The following RFC5 variants were observed in gnomAD, a reference collection of about 807,000 sequenced individuals.
The protein encoded by RFC5 is replication factor C subunit 5.
Under a neutral mutation model 44.3 loss-of-function variants are expected in RFC5, and 26 were observed. That is an observed-to-expected ratio of 0.59 (90% confidence interval 0.43 to 0.81). The LOEUF is 0.81. RFC5 is among the 40% of genes least tolerant of loss of function. The probability of loss-of-function intolerance (pLI) is 0.00; values close to 1 mark genes in which losing one functional copy is unlikely to be tolerated. For missense variants in RFC5, 328 were observed against 418.6 expected (o/e 0.78, Z 1.89); for synonymous variants, 155 against 155.2 (o/e 1.00, Z 0.01).
the RFC5 span, among the ~76,000 whole-genome samples, chr12:118,039,245 T>G: frequency 3.3e-5 from 5 of 152,262 alleles, no homozygotes; most frequent in African/African-American, 1.2e-4. Flanking sequence ...CCCTGCTAAT[T>G]CAGCAGATAA....
In RFC5 at chr12:118,017,000, T is replaced by C. The variant is rs1264913662; in HGVS notation, c.65+108T>C. ...CGGACCCCAACCCGACCTCTTCCCGTCGTCTCCAGGCCTGCAGCCGGGACC... is the reference window on the plus strand; with the variant it reads ...CGGACCCCAACCCGACCTCTTCCCGCCGTCTCCAGGCCTGCAGCCGGGACC... On this transcript the variant is annotated intron_variant, in intron 1 of 10. Transcript: ENST00000454402. The C allele has an allele frequency of 6.8e-5, 59 of 869,608 alleles. 2 individuals are homozygous for C. In the South Asian group the frequency reaches 8.3e-4, roughly 12 times the overall value. 53.9% of individuals were successfully genotyped at this position (869,608 alleles called of 1,614,324 possible). A position where few individuals can be genotyped will look rare whatever the true frequency, so the allele number is the denominator to read the frequency against.
intron 5 of RFC5, among the ~76,000 whole-genome samples, chr12:118,022,795 G>A (rs2137705720): frequency 6.6e-6 from 1 of 152,276 alleles, no homozygotes; most frequent in South Asian, 2.1e-4. Context: ...GGAGAATTAG[G>A]ATGTGAGATA....
rs1038731474 is a variant in RFC5 at position 118,031,910 on chromosome 12, T to G, written c.*632T>G. 1 of 152,218 alleles carries G rather than the reference T, an allele frequency of 6.6e-6. No homozygotes were observed. Among genetic ancestry groups the G allele is most frequent in the Non-Finnish European group, 1.5e-5 (1 of 68,042 alleles). The allele number at this position is 152,218 out of a possible 1,614,324, so 9.4% of individuals were successfully genotyped here. A position where few individuals can be genotyped will look rare whatever the true frequency, so the allele number is the denominator to read the frequency against. On this transcript the variant is annotated 3_prime_UTR_variant, in exon 11 of 11. Coordinates refer to ENST00000454402, the MANE Select transcript of RFC5 (RefSeq NM_007370.7). ...TTAAATATAATATAGAGCCTTAAAC[T>G]ATGCCACTGGGTGGCAGAGGCTGTA...
chr12:118,017,939 C>T, intron 1 of RFC5: 1 of 682,020 alleles, frequency 1.5e-6, no homozygotes, highest in Non-Finnish European at 2.7e-6. Flanking sequence ...TTTCATCACC[C>T]CAAATGGAAA....
In RFC5 at chr12:118,031,733, T is replaced by A. The variant is rs2031333657; in HGVS notation, c.*455T>A. 6.6e-6 allele frequency: 1 copy of A among 152,284 alleles called. No homozygotes were observed. The highest frequency in any genetic ancestry group is 2.1e-4 in the South Asian group (1 of 4,838). 9.4% of individuals were successfully genotyped at this position (152,284 alleles called of 1,614,324 possible). On this transcript the variant is annotated 3_prime_UTR_variant, in exon 11 of 11. Coordinates refer to ENST00000454402, the MANE Select transcript of RFC5 (RefSeq NM_007370.7). The stretch of plus-strand genomic sequence containing the variant: ...TGTGTCTGTATCTAATTTAAACAGA[T>A]GTTAATGGACGTCTGGCCGAAACTA...
intron 10 of RFC5, 53 bp downstream of exon 10, chr12:118,029,878 G>A: frequency 7.6e-7 from 1 of 1,310,708 alleles, no homozygotes; most frequent in Non-Finnish European, 1.1e-6. Flanking sequence ...TTCCCCTGTT[G>A]TGAGTTATTT....
At position 118,025,765 on chromosome 12, in the gene RFC5, T is replaced by C. The variant is rs769503377; in HGVS notation, c.600T>C (p.Asp200=). ...VEEEKVDISE[D]GMKALVTLSS... ...CTTTCAGAGTTGATATAAGTGAAGA[T>C]GGAATGAAAGCACTAGTCACTCTTT... Residue 200 remains aspartate (D), a synonymous_variant, in exon 7 of 11, where the codon GAT becomes GAC. Coordinates refer to ENST00000454402, the MANE Select transcript of RFC5 (RefSeq NM_007370.7). 2.5e-6 allele frequency: 4 copies of C among 1,607,874 alleles called. No homozygotes were observed. The highest frequency in any genetic ancestry group is 1.7e-6 in the Non-Finnish European group (2 of 1,175,562).
chr12:118,034,154 A>G (rs2137757241), downstream of RFC5: 1 of 1,611,312 alleles, frequency 6.2e-7, no homozygotes, highest in African/African-American at 1.3e-5. Context: ...CTTTGACAGG[A>G]CGATTTACCC....
intron 5 of RFC5, 61 bp downstream of exon 5, chr12:118,022,420 C>CT (rs1009912649): frequency 1.5e-5 from 18 of 1,177,760 alleles, no homozygotes; most frequent in Admixed American, 5.5e-5. Flanking sequence ...GAATTAGGAA[C>CT]TTTGTGTTTG....
In RFC5 at chr12:118,031,340, T is replaced by A; in HGVS notation, c.*62T>A. 1 of 1,153,198 alleles carries A rather than the reference T, an allele frequency of 8.7e-7. No homozygotes were observed. Among genetic ancestry groups the A allele is most frequent in the Non-Finnish European group, 1.3e-6 (1 of 777,632 alleles). The allele number at this position is 1,153,198 out of a possible 1,614,324, so 71.4% of individuals were successfully genotyped here. A position where few individuals can be genotyped will look rare whatever the true frequency, so the allele number is the denominator to read the frequency against. Reference sequence around the variant, plus strand: ...CAGTGATGGGAGAACAGAGGACAGTTCCAGGATAAACTGCTGCCTGGGGCT... The same window carrying A: ...CAGTGATGGGAGAACAGAGGACAGTACCAGGATAAACTGCTGCCTGGGGCT... On this transcript the variant is annotated 3_prime_UTR_variant, in exon 11 of 11. Transcript: ENST00000454402.
intron 5 of RFC5, among the ~76,000 whole-genome samples, chr12:118,024,183 T>A (rs2137715141): frequency 6.6e-6 from 1 of 151,750 alleles, no homozygotes; most frequent in East Asian, 2.0e-4. Flanking sequence ...CTACTAAAAA[T>A]ATAAAAAATT....
chr12:118,028,114 A>AAGAATGAAGCC, intron 9 of RFC5, 84 bp downstream of exon 9: 1 of 817,180 alleles, frequency 1.2e-6, no homozygotes, highest in Non-Finnish European at 2.1e-6. Context: ...AGGAGGCTTC[A>AAGAATGAAGCC]TTCTTGAAGC....
At chr12:118,026,465 G>A (rs530874480) in intron 7 of RFC5, among the ~76,000 whole-genome samples, 37 of 152,014 alleles carry the variant, frequency 2.4e-4, no homozygotes, top group Non-Finnish European at 5.0e-4. Context: ...CAGGTGTGGC[G>A]GTGCACACCT....
downstream of RFC5, among the ~76,000 whole-genome samples, chr12:118,037,667 T>TAA (rs752087366): frequency 3.5e-4 from 43 of 123,558 alleles, no homozygotes; most frequent in South Asian, 4.0e-3. Flanking sequence ...AAACTCTGTC[T>TAA]AAAAAAAAAA....
chr12:118,028,469 G>C (rs1339921015), intron 9 of RFC5, among the ~76,000 whole-genome samples: 2 of 145,780 alleles, frequency 1.4e-5, no homozygotes, highest in Non-Finnish European at 3.0e-5. Context: ...GGGCGACAGA[G>C]CTAGAGTTTG....
rs1377163529 is a variant in RFC5 at position 118,019,418 on chromosome 12, T to A, written c.131-214T>A. Among the ~76,000 whole-genome samples, 2 of 152,202 alleles carry A rather than the reference T, an allele frequency of 1.3e-5. No homozygotes were observed. Among genetic ancestry groups the A allele is most frequent in the African/African-American group, 2.4e-5 (1 of 41,454 alleles). ...ACCCAGAAAGGTGCCTGTAACACAG[T>A]AGGCACTCAATAAATACTTGTTGAC... On this transcript the variant is annotated intron_variant, in intron 2 of 10. Coordinates refer to ENST00000454402, the MANE Select transcript of RFC5 (RefSeq NM_007370.7). This position sits in a 1 kb window ranked among gnomAD's most constrained non-coding sequence, Gnocchi z 4.2.
rs1430576535 is a variant in RFC5 at position 118,031,196 on chromosome 12, T to C, written c.941T>C (p.Val314Ala). ...GTTTCTGTTAGGTACAGGCTTTCTG[T>C]TGGCACCAACGAGAAGATCCAGCTG... ...KMADIEYRLS[V>A]GTNEKIQLSS... The change falls in exon 11 of 11, where the codon GTT becomes GCT. Residue 314 changes from valine to alanine, a missense_variant. Physicochemically the swap from Val to Ala is moderately conservative, Grantham distance 64 (BLOSUM62 0). Transcript: ENST00000454402. The C allele has an allele frequency of 1.2e-6, 2 of 1,613,600 alleles. No homozygotes were observed. Among genetic ancestry groups the C allele is most frequent in the East Asian group, 4.5e-5 (2 of 44,890 alleles).
chr12:118,024,061 C>T (rs1019945078), intron 5 of RFC5, among the ~76,000 whole-genome samples: 2 of 151,812 alleles, frequency 1.3e-5, no homozygotes, highest in Non-Finnish European at 2.9e-5. Context: ...ACTAAAAATA[C>T]AAAAATTGGC....
rs1213269520 is a variant in RFC5, at chr12:118,019,835, T to G, written c.267+67T>G. ...TCCAGTCTCTTAATTTCAGTTCTGC[T>G]GGTTTTATTTTACTTTAAAAGTAAG... is the stretch of plus-strand genomic sequence containing the variant. On this transcript the variant is annotated intron_variant, in intron 3 of 10. Coordinates refer to ENST00000454402, the MANE Select transcript of RFC5 (RefSeq NM_007370.7). This position sits in a 1 kb window ranked among gnomAD's most constrained non-coding sequence, Gnocchi z 4.2. 7.4e-7 allele frequency: 1 copy of G among 1,344,590 alleles called. No homozygotes were observed. The highest frequency in any genetic ancestry group is 1.5e-5 in the African/African-American group (1 of 67,974). The allele number at this position is 1,344,590 out of a possible 1,614,324, so 83.3% of individuals were successfully genotyped here.
Sources: allele counts gnomAD v4.1 joint callset (sites outside exome capture counted in the v4.1 genomes callset), GRCh38; gene constraint gnomAD v4.1.1; non-coding constraint Gnocchi (gnomAD v3.1); transcripts MANE v1.5; gene names NCBI Gene and HGNC (gene_info 2026-07-23, HGNC 2026-07-21).